Variants in COX7B2 observed in about 807,000 individuals in gnomAD.
COX7B2 encodes cytochrome c oxidase subunit 7B2, mitochondrial.
For missense variants in COX7B2, 109 were observed against 95.9 expected, an observed-to-expected ratio of 1.14 and a Z score of -0.57; for synonymous variants, 37 against 32.1, an observed-to-expected ratio of 1.15 and a Z score of -0.51.
intron 1 of COX7B2, among the ~76,000 whole-genome samples, chr4:46,908,738 C>CAAAAAAAAAAAAAAAAAAAAAAAA (rs34388680): frequency 8.3e-6 from 1 of 121,090 alleles, no homozygotes; most frequent in Non-Finnish European, 1.7e-5. Flanking sequence ...AGGAAAGTGG[C>CAAAAAAAAAAAAAAAAAAAAAAAA]AAAAAAAAAA....
chr4:46,751,083 T>C (rs954365281), intron 2 of COX7B2, among the ~76,000 whole-genome samples: 2 of 152,136 alleles, frequency 1.3e-5, no homozygotes, highest in Admixed American at 6.6e-5. Context: ...ACTTTCTACA[T>C]CCCAGTGACC....
chr4:46,734,854 T>A lies in COX7B2; in HGVS notation c.*93A>T. ...TTTAAAGATTTAAAACACATTTTAT[T>A]TTTTCAATTGTGCTATATTTTAATA... On this transcript the variant is annotated 3_prime_UTR_variant, in exon 3 of 3. Coordinates refer to ENST00000355591, the MANE Select transcript of COX7B2 (RefSeq NM_130902.3). 1 of 1,419,042 alleles carries A rather than the reference T, an allele frequency of 7.0e-7. No individual in the cohort carries two copies. The highest frequency in any genetic ancestry group is 9.8e-7 in the Non-Finnish European group (1 of 1,024,988). The allele number at this position is 1,419,042 out of a possible 1,614,324, so 87.9% of individuals were successfully genotyped here. A position where few individuals can be genotyped will look rare whatever the true frequency, so the allele number is the denominator to read the frequency against.
chr4:46,871,551 C>G (rs1717990380), intron 1 of COX7B2, among the ~76,000 whole-genome samples: 1 of 151,590 alleles, frequency 6.6e-6, no homozygotes, highest in South Asian at 2.1e-4. Flanking sequence ...AGTAAACAGC[C>G]TACAGAATGG....
intron 2 of COX7B2, among the ~76,000 whole-genome samples, chr4:46,815,653 T>TA (rs927164967): frequency 1.4e-3 from 208 of 148,722 alleles, no homozygotes; most frequent in East Asian, 4.5e-3. Flanking sequence ...ATTAAGAACT[T>TA]AAAAAAAAAA....
intron 2 of COX7B2, among the ~76,000 whole-genome samples, chr4:46,814,035 A>C (rs1477619744): frequency 1.3e-5 from 2 of 152,166 alleles, no homozygotes; most frequent in Non-Finnish European, 2.9e-5. Flanking sequence ...AAAAGTAGCA[A>C]ATGCTGGTGG....
Position 46,839,588 on chromosome 4 carries a change from G to A in COX7B2, c.-50+5372C>T, listed in dbSNP as rs1456838247. 2.0e-5 allele frequency among the ~76,000 whole-genome samples: 3 copies of A among 151,980 alleles called. No homozygotes were observed. In the East Asian group the frequency reaches 5.8e-4, roughly 29 times the overall value. ...GTCCAGGCTGCCAGAAATTCCACAC[G>A]AGAGATTCATTTCCTGATTATCGAA... On this transcript the variant is annotated intron_variant, in intron 2 of 2. Transcript: ENST00000355591.
chr4:46,756,577 A>G (rs1715814547), intron 2 of COX7B2, among the ~76,000 whole-genome samples: 1 of 152,076 alleles, frequency 6.6e-6, no homozygotes, highest in Non-Finnish European at 1.5e-5. Flanking sequence ...TCTAGAATCT[A>G]CAAAGAACTC....
At chr4:46,890,142 A>G (rs1211627044) in intron 1 of COX7B2, among the ~76,000 whole-genome samples, 1 of 152,178 alleles carries the variant, frequency 6.6e-6, no homozygotes, top group Non-Finnish European at 1.5e-5. Context: ...AGAATCTGGA[A>G]TGAGTCCTAA....
intron 1 of COX7B2, among the ~76,000 whole-genome samples, chr4:46,904,447 T>C (rs1369317024): frequency 6.6e-6 from 1 of 152,150 alleles, no homozygotes; most frequent in African/African-American, 2.4e-5. Context: ...AATGCAAAGA[T>C]ATACAACTCA....
chr4:46,735,334 T>C (rs1714301141), intron 2 of COX7B2, 93 bp from the exon 3 acceptor site: 2 of 897,682 alleles, frequency 2.2e-6, no homozygotes, highest in Non-Finnish European at 3.4e-6. Flanking sequence ...TGGAGTGGTG[T>C]TCAGGAATGT....
At chr4:46,871,434 G>C (rs1334304326) in intron 1 of COX7B2, among the ~76,000 whole-genome samples, 2 of 152,122 alleles carry the variant, frequency 1.3e-5, no homozygotes, top group African/African-American at 4.8e-5. Flanking sequence ...AACTTGCAAT[G>C]ATTTCATTAC....
intron 2 of COX7B2, among the ~76,000 whole-genome samples, chr4:46,789,524 G>C (rs1717926850): frequency 6.6e-6 from 1 of 152,078 alleles, no homozygotes; most frequent in Non-Finnish European, 1.5e-5. Flanking sequence ...GGAAATCCAA[G>C]AACTTCTAGT....
intron 2 of COX7B2, among the ~76,000 whole-genome samples, chr4:46,826,949 A>G (rs766584154): frequency 1.3e-5 from 2 of 152,274 alleles, no homozygotes; most frequent in East Asian, 1.9e-4. Context: ...AAAAAGTACA[A>G]TAACTGAAAT....
intron 2 of COX7B2, among the ~76,000 whole-genome samples, chr4:46,785,538 A>G (rs1717708991): frequency 6.6e-6 from 1 of 152,174 alleles, no homozygotes; most frequent in African/African-American, 2.4e-5. Flanking sequence ...ACACCCGGCT[A>G]TGATACAGCA....
At chr4:46,757,843 G>A (rs1715893485) in intron 2 of COX7B2, among the ~76,000 whole-genome samples, 1 of 152,068 alleles carries the variant, frequency 6.6e-6, no homozygotes, top group African/African-American at 2.4e-5. Flanking sequence ...AAAGAAGAAA[G>A]GCAATTATAA....
chr4:46,833,829 T>C (rs1434224568), intron 2 of COX7B2, among the ~76,000 whole-genome samples: 8 of 152,072 alleles, frequency 5.3e-5, no homozygotes, highest in Non-Finnish European at 7.4e-5. Flanking sequence ...AAAAAAAATA[T>C]GGAATGAAGA....
At chr4:46,840,501 T>A (rs73245876) in intron 2 of COX7B2, among the ~76,000 whole-genome samples, 1 of 151,820 alleles carries the variant, frequency 6.6e-6, no homozygotes, top group Non-Finnish European at 1.5e-5. Flanking sequence ...TCAATGTAAA[T>A]AGAAGAAAGA....
chr4:46,820,162 T>C (rs968254688), intron 2 of COX7B2, among the ~76,000 whole-genome samples: 1 of 152,172 alleles, frequency 6.6e-6, no homozygotes, highest in African/African-American at 2.4e-5. Context: ...TACCATAATA[T>C]GGAATCAGTG....
chr4:46,819,626 G>A (rs1221402329), intron 2 of COX7B2, among the ~76,000 whole-genome samples: 1 of 151,858 alleles, frequency 6.6e-6, no homozygotes, highest in Non-Finnish European at 1.5e-5. Flanking sequence ...CACATTCAAA[G>A]CTGTCTTGGG....
Sources: gnomAD v4.1 joint callset for allele counts (sites outside exome capture counted in the v4.1 genomes callset) on GRCh38, gnomAD v4.1.1 for gene constraint, MANE v1.5 for transcripts, NCBI Gene and HGNC (gene_info 2026-07-23, HGNC 2026-07-21) for gene names.